The following NEK5 variants were observed in gnomAD, a reference collection of about 807,000 sequenced individuals.
NEK5 encodes serine/threonine-protein kinase Nek5.
A neutral mutation model predicts 109.2 loss-of-function variants in NEK5; 88 were observed. That is an observed-to-expected ratio of 0.81 (90% confidence interval 0.68 to 0.96). The LOEUF is 0.96. Ranked by LOEUF, NEK5 falls within the 40% of genes least tolerant of loss-of-function variation. NEK5 has a pLI of 0.00. For missense variants in NEK5, 834 were observed against 920.7 expected, an observed-to-expected ratio of 0.91 and a Z score of 1.22; for synonymous variants, 283 against 299.9, an observed-to-expected ratio of 0.94 and a Z score of 0.58.
chr13:52,105,152 CAGA>C (rs1182944198), intron 8 of NEK5, among the ~76,000 whole-genome samples: 1 of 151,758 alleles, frequency 6.6e-6, no homozygotes, highest in Non-Finnish European at 1.5e-5. Context: ...AATGTCTAAT[CAGA>C]AGTCAAGGAG....
chr13:52,083,176 T>G, intron 17 of NEK5, 84 bp downstream of exon 17: 1 of 899,718 alleles, frequency 1.1e-6, no homozygotes, highest in South Asian at 1.4e-5. Flanking sequence ...CCTACGTGGT[T>G]CTGCTGCACA....
At chr13:52,051,403 G>A (rs775745649) in intron 22 of NEK5, among the ~76,000 whole-genome samples, 5 of 152,198 alleles carry the variant, frequency 3.3e-5, no homozygotes, top group African/African-American at 4.8e-5. Context: ...AAAACCCCTC[G>A]AAGAATGCAG....
intron 1 of NEK5, among the ~76,000 whole-genome samples, 180 bp from the exon 2 acceptor site, chr13:52,127,842 G>A (rs1438832150): frequency 6.6e-6 from 1 of 152,186 alleles, no homozygotes; most frequent in African/African-American, 2.4e-5. Flanking sequence ...ACTATATCCG[G>A]TGTTTCGCAC....
At chr13:52,102,058 C>T (rs1955546648) in intron 10 of NEK5, 34 bp downstream of exon 10, 6 of 1,612,390 alleles carry the variant, frequency 3.7e-6, no homozygotes, top group Non-Finnish European at 4.2e-6. Context: ...CCCAAAATCT[C>T]TGCCAAAATC....
At chr13:52,063,960 C>T (rs1273436024) in intron 21 of NEK5, among the ~76,000 whole-genome samples, 1 of 147,966 alleles carries the variant, frequency 6.8e-6, no homozygotes, top group East Asian at 2.1e-4. Context: ...GGGGGTCAGC[C>T]CCCCGCCCAG....
intron 22 of NEK5, among the ~76,000 whole-genome samples, chr13:52,053,160 G>A (rs1236145861): frequency 3.9e-5 from 6 of 152,164 alleles, no homozygotes; most frequent in Admixed American, 3.3e-4. Context: ...AATTAGCTGG[G>A]CATAGTGGCA....
At chr13:52,121,950 T>C (rs995440432) in intron 3 of NEK5, among the ~76,000 whole-genome samples, 2 of 151,596 alleles carry the variant, frequency 1.3e-5, no homozygotes, top group African/African-American at 4.9e-5. Context: ...TTTTTTTTTT[T>C]AAGACAGAGT....
chr13:52,055,316 C>T (rs1341520847), intron 22 of NEK5, among the ~76,000 whole-genome samples: 13 of 151,998 alleles, frequency 8.6e-5, no homozygotes, highest in African/African-American at 2.7e-4. Flanking sequence ...ACCAAATCTA[C>T]GTCTGATTGG....
At chr13:52,048,866 T>A (rs998912927) in intron 23 of NEK5, among the ~76,000 whole-genome samples, 1 of 151,992 alleles carries the variant, frequency 6.6e-6, no homozygotes, top group African/African-American at 2.4e-5. Context: ...GGTCAAAGAG[T>A]AGAAAATTTC....
Position 52,123,450 on chromosome 13 carries a change from A to C in NEK5, c.117+3916T>G, listed in dbSNP as rs186526185. ...GTAATGTTAATGTACATTTTTATAG[A>C]GATTCACCTCTCAAATATTTTCTCT... On this transcript the variant is annotated intron_variant, in intron 3 of 23. Transcript: ENST00000684899. Among the ~76,000 whole-genome samples the C allele has an allele frequency of 2.3e-4, 35 of 152,336 alleles. 2 individuals are homozygous for C. The highest frequency in any genetic ancestry group is 1.8e-3 in the Admixed American group (27 of 15,300).
At chr13:52,073,221 A>G (rs886426125) in intron 19 of NEK5, among the ~76,000 whole-genome samples, 1 of 152,222 alleles carries the variant, frequency 6.6e-6, no homozygotes, top group African/African-American at 2.4e-5. Flanking sequence ...AGTAAATTAA[A>G]ATGTAATAAT....
Position 52,083,272 on chromosome 13 carries a change from T to C in NEK5, c.1560A>G (p.Glu520=). ...TAGCCATCATTACCTGCACAGGTGCTTCTCCCTCAGATGCATCTTGATGGA... is the reference window on the plus strand; with the variant it reads ...TAGCCATCATTACCTGCACAGGTGCCTCTCCCTCAGATGCATCTTGATGGA... ...LPVHQDASEG[E]APVQDIEKDL... is the part of the protein sequence containing the mutation. Residue 520 remains glutamate, a synonymous_variant, in exon 17 of 24, where the codon GAA becomes GAG. Coordinates refer to ENST00000684899, the MANE Select transcript of NEK5 (RefSeq NM_001365552.1). 14 of 1,609,554 alleles carry C rather than the reference T, an allele frequency of 8.7e-6. No individual in the cohort carries two copies. The highest frequency in any genetic ancestry group is 1.2e-5 in the Non-Finnish European group (14 of 1,175,824).
chr13:52,061,547 G>A lies in NEK5; in HGVS notation c.2110+272C>T, dbSNP rs566608934. 1.3e-3 allele frequency among the ~76,000 whole-genome samples: 192 copies of A among 152,294 alleles called. 6 individuals are homozygous for A. The South Asian group carries it at 0.038, about 30-fold the overall frequency. ...AGGTAGAGCAAAACAATACTGGATC[G>A]TCAGCTACAAAGCCACTAGCCCTAC... On this transcript the variant is annotated intron_variant, in intron 22 of 23. Coordinates refer to ENST00000684899, the MANE Select transcript of NEK5 (RefSeq NM_001365552.1).
intron 15 of NEK5, 118 bp from the exon 16 acceptor site, chr13:52,086,481 G>A (rs1306051454): frequency 2.9e-6 from 2 of 688,366 alleles, no homozygotes; most frequent in Non-Finnish European, 5.1e-6. Flanking sequence ...AGAAAAATAT[G>A]TTGCTCCTAA....
At chr13:52,044,294 C>T (rs1954438708) in intron 23 of NEK5, among the ~76,000 whole-genome samples, 1 of 152,216 alleles carries the variant, frequency 6.6e-6, no homozygotes, top group African/African-American at 2.4e-5. Context: ...TATTCCATTA[C>T]TTCTGTCGCT....
intron 4 of NEK5, among the ~76,000 whole-genome samples, chr13:52,118,355 C>T (rs1230856970): frequency 6.6e-6 from 1 of 152,148 alleles, no homozygotes; most frequent in Non-Finnish European, 1.5e-5. Context: ...TAAGACACAC[C>T]TGACATACTG....
At chr13:52,128,581 G>C (rs1956114200) in intron 1 of NEK5, among the ~76,000 whole-genome samples, 1 of 152,106 alleles carries the variant, frequency 6.6e-6, no homozygotes, top group Admixed American at 6.5e-5. Flanking sequence ...TGGGAAGTCG[G>C]TACTGGGTTG....
At chr13:52,122,712 A>G (rs943569303) in intron 3 of NEK5, among the ~76,000 whole-genome samples, 4 of 152,182 alleles carry the variant, frequency 2.6e-5, no homozygotes, top group African/African-American at 9.7e-5. Context: ...GATTGCAGTG[A>G]GCAGAGATCA....
rs1382911525 is a variant in NEK5 at position 52,108,334 on chromosome 13, G to A, written c.538C>T (p.Pro180Ser). 2 of 1,609,916 alleles carry A rather than the reference G, an allele frequency of 1.2e-6. No homozygotes were observed. The highest frequency in any genetic ancestry group is 1.7e-6 in the Non-Finnish European group (2 of 1,176,866). ...YLSPEICQNKPYNNKTDIWSL... is the reference protein window; with the variant it reads ...YLSPEICQNKSYNNKTDIWSL... Reference sequence around the variant, plus strand: ...GCAACTTACGTTTTATTGTTGTAGGGTTTATTCTGACAGATCTCTGGGGAC... The same window carrying A: ...GCAACTTACGTTTTATTGTTGTAGGATTTATTCTGACAGATCTCTGGGGAC... The change falls in exon 8 of 24, where the codon CCC (proline) becomes TCC (serine). Residue 180 changes from proline (P) to serine (S), a missense_variant. This residue lies in a region of NEK5 where 777 missense variants were observed against 824.7 expected (regional missense o/e 0.94). Coordinates refer to ENST00000684899, the MANE Select transcript of NEK5 (RefSeq NM_001365552.1).
Sources: gnomAD v4.1 joint callset for allele counts (sites outside exome capture counted in the v4.1 genomes callset) on GRCh38, gnomAD v4.1.1 for gene constraint, gnomAD v4.1.1 regional missense constraint, MANE v1.5 for transcripts, NCBI Gene and HGNC (gene_info 2026-07-23, HGNC 2026-07-21) for gene names.